GGCT: variants seen among roughly 807,000 people sequenced by gnomAD.
GGCT encodes the protein cytochrome c-releasing factor 21.
A neutral mutation model predicts 22.1 loss-of-function variants in GGCT; 20 were observed. The ratio of observed to expected loss-of-function variants is 0.91; its 90% CI spans 0.64 to 1.32. The LOEUF (loss-of-function observed/expected upper bound fraction) is 1.32. Among genes scored for constraint, GGCT ranks in the 40% most tolerant of loss-of-function variants. GGCT has a pLI of 0.00. For synonymous variants in GGCT, 72 were observed against 78.4 expected, an observed-to-expected ratio of 0.92 and a Z score of 0.43; for missense variants, 209 against 223.5, an observed-to-expected ratio of 0.94 and a Z score of 0.41.
chr7:30,498,677 C>A, intron 3 of GGCT, 126 bp downstream of exon 3: 1 of 817,568 alleles, frequency 1.2e-6, no homozygotes, highest in Non-Finnish European at 2.0e-6. Flanking sequence ...CCCCAGCCTT[C>A]CAAAGTGGTG....
intron 1 of GGCT, among the ~76,000 whole-genome samples, chr7:30,501,158 G>A (rs1194926959): frequency 1.3e-5 from 2 of 152,138 alleles, no homozygotes; most frequent in African/African-American, 2.4e-5. Flanking sequence ...GGCATTTGAG[G>A]ATGAATGATT....
At position 30,499,002 on chromosome 7, in the gene GGCT, G is replaced by T. The variant is rs757767775; in HGVS notation, c.288-64C>A. The T allele has an allele frequency of 2.7e-6, 4 of 1,461,106 alleles. No individual in the cohort carries two copies. In the South Asian group the frequency reaches 3.4e-5, roughly 12 times the overall value. 90.5% of individuals were successfully genotyped at this position (1,461,106 alleles called of 1,614,324 possible). A position where few individuals can be genotyped will look rare whatever the true frequency, so the allele number is the denominator to read the frequency against. ...TAGCCAATTTAGCTCACTGGGTAAG[G>T]TCTTTTTATAATAGTCAAGATGGTG... On this transcript the variant is annotated intron_variant, in intron 2 of 3. Transcript: ENST00000275428.
At chr7:30,503,479 T>C (rs1267944328) in intron 1 of GGCT, among the ~76,000 whole-genome samples, 1 of 152,198 alleles carries the variant, frequency 6.6e-6, no homozygotes, top group East Asian at 1.9e-4. Flanking sequence ...TCTGGGGCTT[T>C]CAATTAGAAG....
intron 1 of GGCT, among the ~76,000 whole-genome samples, chr7:30,501,280 A>G (rs1789696135): frequency 6.6e-6 from 1 of 152,230 alleles, no homozygotes; most frequent in Non-Finnish European, 1.5e-5. Flanking sequence ...GGGGACGAGC[A>G]TGCCCAAAGA....
In GGCT at chr7:30,498,849, A is replaced by G. The variant is rs758981424; in HGVS notation, c.377T>C (p.Leu126Pro). 6.2e-6 allele frequency: 10 copies of G among 1,613,138 alleles called. No individual in the cohort carries two copies. Among genetic ancestry groups the G allele is most frequent in the Non-Finnish European group, 8.5e-6 (10 of 1,179,194 alleles). Residue 126 changes from leucine (L) to proline (P), a missense_variant, in exon 3 of 4, where the codon CTG becomes CCG. Coordinates refer to ENST00000275428, the MANE Select transcript of GGCT (RefSeq NM_024051.4). ...GGGAGCACTTTCGTAATTTGTCATC[A>G]GATAACTTCGACAGGTTATTTCTTT... ...EGKEITCRSY[L>P]MTNYESAPPS...
At chr7:30,499,834 G>A (rs1413098859) in intron 2 of GGCT, among the ~76,000 whole-genome samples, 1 of 94,162 alleles carries the variant, frequency 1.1e-5, no homozygotes, top group Admixed American at 1.1e-4. Flanking sequence ...CTTCAATATA[G>A]TTTGTTTTTT....
At chr7:30,497,868 G>A in intron 3 of GGCT, 1 of 1,448,708 alleles carries the variant, frequency 6.9e-7, no homozygotes, top group Non-Finnish European at 9.2e-7. Flanking sequence ...CCCTGATTCT[G>A]AAAGGCAGTG....
Position 30,504,611 on chromosome 7 carries a change from G to A in GGCT, c.99C>T (p.Leu33=), listed in dbSNP as rs1410716563. The A allele has an allele frequency of 1.2e-6, 2 of 1,614,108 alleles. No homozygotes were observed. The highest frequency in any genetic ancestry group is 1.7e-5 in the Admixed American group (1 of 60,038). The change falls in exon 1 of 4, where the codon CTC becomes CTT. Residue 33 remains leucine, a synonymous_variant. Transcript: ENST00000275428. ...AGAAGAACGCCGCCGAGGGGTTTCG[G>A]AGGTGGATCCTCTCTGTCAGCAGGT... is the stretch of plus-strand genomic sequence containing the variant. ...GSNLLTERIH[L]RNPSAAFFCV...
intron 1 of GGCT, among the ~76,000 whole-genome samples, chr7:30,501,518 T>A (rs769199292): frequency 6.6e-6 from 1 of 152,232 alleles, no homozygotes; most frequent in Non-Finnish European, 1.5e-5. Flanking sequence ...GTCTTGGAAC[T>A]AATAAGTAAT....
chr7:30,497,960 G>T, intron 3 of GGCT: 1 of 768,524 alleles, frequency 1.3e-6, no homozygotes, highest in Non-Finnish European at 1.8e-6. Context: ...AATGAATCTT[G>T]GTATTCATAA....
At chr7:30,497,446 C>A (rs1789574205) in intron 3 of GGCT, 1 of 393,054 alleles carries the variant, frequency 2.5e-6, no homozygotes, top group Admixed American at 4.3e-5. Context: ...AATGAAGCAT[C>A]CTCATGGAAT....
Position 30,504,594 on chromosome 7 carries a change from G to A in GGCT, c.116C>T (p.Ala39Val). The A allele has an allele frequency of 4.3e-6, 7 of 1,613,822 alleles. No individual in the cohort carries two copies. Among genetic ancestry groups the A allele is most frequent in the Non-Finnish European group, 5.1e-6 (6 of 1,179,864 alleles). ...CTGCAGGCGGGCCACACAGAAGAAC[G>A]CCGCCGAGGGGTTTCGGAGGTGGAT... ...ERIHLRNPSA[A>V]FFCVARLQDF... The change falls in exon 1 of 4, where the codon GCG (alanine) becomes GTG (valine). Residue 39 changes from alanine to valine, a missense_variant. Ala to Val is a moderately conservative substitution (Grantham distance 64, BLOSUM62 0). Transcript: ENST00000275428.
At position 30,496,908 on chromosome 7, in the gene GGCT, T is replaced by C; in HGVS notation, c.*184A>G. 2.4e-6 allele frequency: 1 copy of C among 413,368 alleles called. No homozygotes were observed. The highest frequency in any genetic ancestry group is 6.2e-5 in the South Asian group (1 of 16,024). The allele number at this position is 413,368 out of a possible 1,614,324, so 25.6% of individuals were successfully genotyped here. On this transcript the variant is annotated 3_prime_UTR_variant, in exon 4 of 4. Coordinates refer to ENST00000275428, the MANE Select transcript of GGCT (RefSeq NM_024051.4). ...CAGGCCCTCATACACCCCTTTTAAA[T>C]TGTCTAACTCCTATCCCAGTTTCTT...
chr7:30,503,934 C>CT (rs1305838011), intron 1 of GGCT, among the ~76,000 whole-genome samples: 2 of 152,140 alleles, frequency 1.3e-5, no homozygotes, highest in Non-Finnish European at 2.9e-5. Context: ...GTCCTACAGA[C>CT]TGAGAGTTCC....
chr7:30,497,408 A>G (rs1320968531), intron 3 of GGCT, 173 bp from the exon 4 acceptor site: 3 of 463,994 alleles, frequency 6.5e-6, no homozygotes, highest in Non-Finnish European at 1.1e-5. Context: ...CACACTGAGC[A>G]TGAATGTGTA....
At position 30,500,601 on chromosome 7, in the gene GGCT, A is replaced by G; in HGVS notation, c.222T>C (p.Ser74=). 1.2e-6 allele frequency: 2 copies of G among 1,613,758 alleles called. No homozygotes were observed. Among genetic ancestry groups the G allele is most frequent in the Non-Finnish European group, 8.5e-7 (1 of 1,179,720 alleles). The stretch of plus-strand genomic sequence containing the variant: ...CTACTCCCCACACTTCATCGCCAGG[A>G]CTCTGAAAAATGGTGGCTATCCCTC... ...WHGGIATIFQ[S]PGDEVWGVVW... is the part of the protein sequence containing the mutation. Residue 74 remains serine (S), a synonymous_variant, in exon 2 of 4, where the codon AGT becomes AGC. Coordinates refer to ENST00000275428, the MANE Select transcript of GGCT (RefSeq NM_024051.4).
intron 1 of GGCT, among the ~76,000 whole-genome samples, chr7:30,503,799 T>C (rs890407517): frequency 6.8e-6 from 1 of 147,714 alleles, no homozygotes; most frequent in African/African-American, 2.5e-5. Flanking sequence ...TTTTTTTTTT[T>C]TTTTTTTTGC....
At chr7:30,503,484 T>G (rs995502357) in intron 1 of GGCT, among the ~76,000 whole-genome samples, 6 of 152,132 alleles carry the variant, frequency 3.9e-5, no homozygotes, top group Admixed American at 3.3e-4. Flanking sequence ...GGCTTTCAAT[T>G]AGAAGCTAGT....
rs956886082 is a variant in GGCT at position 30,498,738 on chromosome 7, T to C, written c.423+65A>G. 13 of 1,411,084 alleles carry C rather than the reference T, an allele frequency of 9.2e-6. No homozygotes were observed. In the African/African-American group the frequency reaches 1.6e-4, roughly 17 times the overall value. The allele number at this position is 1,411,084 out of a possible 1,614,324, so 87.4% of individuals were successfully genotyped here. A position where few individuals can be genotyped will look rare whatever the true frequency, so the allele number is the denominator to read the frequency against. On this transcript the variant is annotated intron_variant, in intron 3 of 3. Transcript: ENST00000275428. ...TGGGCCTAAAGTCTTTTAAAAACAA[T>C]ATATTCTTTAGTTTCTCTCAGTGAA...
Sources: allele counts gnomAD v4.1 joint callset (sites outside exome capture counted in the v4.1 genomes callset), GRCh38; gene constraint gnomAD v4.1.1; transcripts MANE v1.5; gene names NCBI Gene and HGNC (gene_info 2026-07-23, HGNC 2026-07-21).